The following CP variants were observed in gnomAD, a reference collection of about 807,000 sequenced individuals.
CP encodes the protein caeruloplasmin.
CP carries 64 observed loss-of-function variants against 122.4 expected under a neutral mutation model. That is an observed-to-expected ratio of 0.52 (90% confidence interval 0.43 to 0.64). The LOEUF is 0.64. Ranked by LOEUF, CP falls within the 30% of genes least tolerant of loss-of-function variation. The pLI is 0.00. For synonymous variants in CP, 440 were observed against 436.4 expected (o/e 1.01, Z -0.10); for missense variants, 1,167 against 1,284.4 (o/e 0.91, Z 1.40).
Position 149,221,661 on chromosome 3 carries a change from A to C in CP, c.132T>G (p.Leu44=). ...TAGTGACTTACGTGTCAACAGAAAT[A>C]AGTTTCTTTTCCCCATGGTCAGAGG... is the stretch of plus-strand genomic sequence containing the variant. The part of the protein sequence containing the change: ...DYASDHGEKK[L]ISVDTEHSNI... Residue 44 remains leucine (L), a synonymous_variant, in exon 1 of 19, where the codon CTT becomes CTG. Coordinates refer to ENST00000264613, the MANE Select transcript of CP (RefSeq NM_000096.4). 1 of 1,612,130 alleles carries C rather than the reference A, an allele frequency of 6.2e-7. No homozygotes were observed.
At chr3:149,212,295 A>T in intron 2 of CP, among the ~76,000 whole-genome samples, 156 bp downstream of exon 2, 1 of 151,930 alleles carries the variant, frequency 6.6e-6, no homozygotes, top group East Asian at 1.9e-4. Flanking sequence ...TGGGTGACAG[A>T]AGTCAAAAAA....
At chr3:149,187,044 A>G (rs1726223503) in intron 10 of CP, among the ~76,000 whole-genome samples, 1 of 152,126 alleles carries the variant, frequency 6.6e-6, no homozygotes, top group South Asian at 2.1e-4. Flanking sequence ...TTAAGTGATT[A>G]TATTTGTGAG....
chr3:149,221,566 A>T (rs1728807981), intron 1 of CP, 81 bp downstream of exon 1: 3 of 1,396,898 alleles, frequency 2.1e-6, no homozygotes, highest in Non-Finnish European at 2.9e-6. Flanking sequence ...AAGAAATTTT[A>T]AAAATATTTC....
intron 6 of CP, among the ~76,000 whole-genome samples, chr3:149,202,605 CTTTTTTTTT>C (rs34873592): frequency 9.4e-6 from 1 of 106,814 alleles, no homozygotes; most frequent in Non-Finnish European, 1.9e-5. Flanking sequence ...TGTTGTTTGT[CTTTTTTTTT>C]TTTTTTTTTT....
At chr3:149,197,238 C>T (rs952506403) in intron 9 of CP, among the ~76,000 whole-genome samples, 2 of 152,166 alleles carry the variant, frequency 1.3e-5, no homozygotes, top group African/African-American at 4.8e-5. Context: ...GTTTGGTGGT[C>T]TCTTCACATG....
chr3:149,178,801 T>A (rs904262193), intron 15 of CP, among the ~76,000 whole-genome samples, 170 bp from the exon 16 acceptor site: 9 of 152,190 alleles, frequency 5.9e-5, no homozygotes, highest in African/African-American at 2.2e-4. Context: ...GTAGTTAAAT[T>A]GGAACAATGG....
chr3:149,187,030 T>G (rs1726222883), intron 10 of CP, among the ~76,000 whole-genome samples: 1 of 152,182 alleles, frequency 6.6e-6, no homozygotes, highest in African/African-American at 2.4e-5. Context: ...TTATTTCCAG[T>G]TCTTTAAGTG....
At chr3:149,176,555 A>T in intron 17 of CP, 143 bp from the exon 18 acceptor site, 1 of 671,666 alleles carries the variant, frequency 1.5e-6, no homozygotes. Context: ...GTTTAATACA[A>T]ATGGTAAAAT....
At chr3:149,167,858 T>C (rs1724582694), downstream of CP, 2 of 1,281,250 alleles carry the variant, frequency 1.6e-6, no homozygotes, top group East Asian at 4.6e-5. Context: ...ATAAAATGCA[T>C]CAAACTAAAA....
chr3:149,200,273 A>G (rs1727212017), intron 7 of CP, among the ~76,000 whole-genome samples: 1 of 152,176 alleles, frequency 6.6e-6, no homozygotes, highest in South Asian at 2.1e-4. Flanking sequence ...GTGAAGGATA[A>G]CACTGTTTTG....
intron 14 of CP, among the ~76,000 whole-genome samples, chr3:149,181,282 A>G (rs748191091): frequency 2.6e-5 from 4 of 152,096 alleles, no homozygotes; most frequent in Non-Finnish European, 5.9e-5. Flanking sequence ...CACACCAGGC[A>G]TTGCTCCTGT....
chr3:149,166,988 T>G (rs1400997940), intron 4 of CP: 2 of 1,453,600 alleles, frequency 1.4e-6, no homozygotes, highest in East Asian at 4.5e-5. Flanking sequence ...TGTGTTTTAG[T>G]TTTTGAGGTG....
chr3:149,184,196 A>G (rs34649438), intron 12 of CP, among the ~76,000 whole-genome samples: 15,943 of 151,152 alleles, frequency 0.11, 2,402 homozygotes, highest in African/African-American at 0.34. Flanking sequence ...CACCATGCCC[A>G]GCTAATTTTT....
intron 15 of CP, among the ~76,000 whole-genome samples, 179 bp downstream of exon 15, chr3:149,179,377 T>C (rs1295448548): frequency 6.6e-6 from 1 of 152,172 alleles, no homozygotes; most frequent in East Asian, 1.9e-4. Flanking sequence ...TATTAGGAAA[T>C]GTTAGATTTT....
downstream of CP, chr3:149,172,012 G>A (rs878859833): frequency 7.0e-7 from 1 of 1,423,184 alleles, no homozygotes; most frequent in East Asian, 2.4e-5. Flanking sequence ...GCCTGAACTG[G>A]CTTCTAATTG....
intron 1 of CP, among the ~76,000 whole-genome samples, chr3:149,218,720 A>G (rs1728619027): frequency 6.6e-6 from 1 of 152,162 alleles, no homozygotes; most frequent in Non-Finnish European, 1.5e-5. Context: ...TTACTCATTT[A>G]AACTTATTCA....
At chr3:149,171,403 A>G (rs754570428), downstream of CP, among the ~76,000 whole-genome samples, 27 of 150,772 alleles carry the variant, frequency 1.8e-4, no homozygotes, top group Admixed American at 7.2e-4. Context: ...TAATACGGGA[A>G]AACATTGGTG....
At position 149,199,737 on chromosome 3, in the gene CP, G is replaced by A. The variant is rs763707349; in HGVS notation, c.1476C>T (p.Ser492=). 6.2e-7 allele frequency: 1 copy of A among 1,614,078 alleles called. No homozygotes were observed. The highest frequency in any genetic ancestry group is 8.5e-7 in the Non-Finnish European group (1 of 1,179,998). The part of the protein sequence containing the change: ...FNKNNEGTYY[S]PNYNPQSRSV... ...TTCTGCTCTGGGGGTTGTAATTTGG[G>A]GAATAGTATGTGCCCTCGTTGTTCT... Residue 492 remains serine (S), a synonymous_variant, in exon 8 of 19, where the codon TCC becomes TCT. Transcript: ENST00000264613.
intron 7 of CP, among the ~76,000 whole-genome samples, chr3:149,201,441 A>G (rs918468094): frequency 4.0e-5 from 6 of 151,666 alleles, no homozygotes; most frequent in Non-Finnish European, 7.4e-5. Context: ...TTTTATTTCT[A>G]AGGGAACACA....
Sources: allele counts gnomAD v4.1 joint callset (sites outside exome capture counted in the v4.1 genomes callset), GRCh38; gene constraint gnomAD v4.1.1; transcripts MANE v1.5; gene names NCBI Gene and HGNC (gene_info 2026-07-23, HGNC 2026-07-21).